NFATC3: variants seen among roughly 807,000 people sequenced by gnomAD.
NFATC3 encodes nuclear factor of activated T cells 3.
NFATC3 carries 46 observed loss-of-function variants against 98.6 expected under a neutral mutation model. The ratio of observed to expected loss-of-function variants is 0.47; its 90% CI spans 0.37 to 0.60. The LOEUF (loss-of-function observed/expected upper bound fraction) is 0.60. NFATC3 is among the 20% of genes least tolerant of loss of function. NFATC3 has a pLI of 0.00. For synonymous variants in NFATC3, 512 were observed against 472.2 expected, an observed-to-expected ratio of 1.08 and a Z score of -1.09; for missense variants, 1,256 against 1,295.5, an observed-to-expected ratio of 0.97 and a Z score of 0.47.
intron 5 of NFATC3, among the ~76,000 whole-genome samples, chr16:68,168,509 G>A (rs886887221): frequency 3.3e-5 from 5 of 149,366 alleles, no homozygotes; most frequent in Non-Finnish European, 5.9e-5. Context: ...TTTTTTAGAC[G>A]GAGCCTCCCT....
At chr16:68,188,016 G>A (rs577386145) in intron 8 of NFATC3, among the ~76,000 whole-genome samples, 10 of 152,238 alleles carry the variant, frequency 6.6e-5, no homozygotes, top group South Asian at 4.2e-4. Flanking sequence ...GCCCTACCTC[G>A]ACCTCCCTCC....
At chr16:68,106,480 C>T (rs750262227) in intron 1 of NFATC3, among the ~76,000 whole-genome samples, 13 of 151,458 alleles carry the variant, frequency 8.6e-5, no homozygotes, top group Non-Finnish European at 1.3e-4. Flanking sequence ...TTAGTAGAGA[C>T]GGGGTTTCTC....
intron 1 of NFATC3, among the ~76,000 whole-genome samples, chr16:68,110,972 G>A (rs532257838): frequency 2.6e-5 from 4 of 152,324 alleles, no homozygotes; most frequent in Middle Eastern, 3.4e-3. Context: ...GTTTGAGTGA[G>A]TTTCTTAATG....
intron 3 of NFATC3, among the ~76,000 whole-genome samples, chr16:68,145,563 G>C (rs761445847): frequency 1.3e-5 from 2 of 152,156 alleles, no homozygotes; most frequent in Non-Finnish European, 2.9e-5. Flanking sequence ...GTTGATACAT[G>C]CAACAACTTG....
intron 9 of NFATC3, among the ~76,000 whole-genome samples, chr16:68,210,929 G>A (rs978493767): frequency 1.3e-5 from 2 of 151,258 alleles, no homozygotes; most frequent in African/African-American, 4.9e-5. Context: ...CTACAAGTGC[G>A]CACCACCATG....
chr16:68,098,319 T>A (rs2035149124), intron 1 of NFATC3, among the ~76,000 whole-genome samples: 1 of 144,570 alleles, frequency 6.9e-6, no homozygotes, highest in South Asian at 2.2e-4. Flanking sequence ...TTTTTTTTTT[T>A]AGATGGAGTC....
chr16:68,208,300 G>T (rs1451895443), intron 9 of NFATC3, among the ~76,000 whole-genome samples: 1 of 152,112 alleles, frequency 6.6e-6, no homozygotes, highest in African/African-American at 2.4e-5. Context: ...GCCTCCCAAA[G>T]TGCAGGGTTA....
chr16:68,155,734 C>T (rs939718945), intron 3 of NFATC3, among the ~76,000 whole-genome samples: 1 of 152,070 alleles, frequency 6.6e-6, no homozygotes, highest in African/African-American at 2.4e-5. Flanking sequence ...AATAGCATGC[C>T]CCTTTCTGTA....
intron 3 of NFATC3, among the ~76,000 whole-genome samples, chr16:68,132,330 T>A (rs1473536516): frequency 6.6e-6 from 1 of 152,150 alleles, no homozygotes; most frequent in Non-Finnish European, 1.5e-5. Flanking sequence ...GAAGAGATTC[T>A]GGTATAGTAT....
chr16:68,151,359 T>C (rs1470869967), intron 3 of NFATC3, among the ~76,000 whole-genome samples: 1 of 152,176 alleles, frequency 6.6e-6, no homozygotes, highest in Non-Finnish European at 1.5e-5. Flanking sequence ...AAGGCAGGCG[T>C]GTTGATCATC....
At chr16:68,113,708 C>T (rs2036106199) in intron 1 of NFATC3, among the ~76,000 whole-genome samples, 1 of 152,244 alleles carries the variant, frequency 6.6e-6, no homozygotes. Context: ...AGACCATGAC[C>T]ACCCCTACCC....
In NFATC3 at chr16:68,191,215, T is replaced by G; in HGVS notation, c.2546T>G (p.Leu849Arg). Residue 849 changes from leucine to arginine, a missense_variant, in exon 9 of 10, where the codon CTG becomes CGG. Coordinates refer to ENST00000346183, the MANE Select transcript of NFATC3 (RefSeq NM_173165.3). ...TTAGTGAATCTTGGCTGTCAACCAC[T>G]GTCATCCATACCATTTCATTCTTCA... ...SGLVNLGCQP[L>R]SSIPFHSSNS... The G allele has an allele frequency of 6.2e-7, 1 of 1,614,232 alleles. No individual in the cohort carries two copies. Among genetic ancestry groups the G allele is most frequent in the Non-Finnish European group, 8.5e-7 (1 of 1,180,042 alleles).
Position 68,176,022 on chromosome 16 carries a change from C to T in NFATC3, c.1915+1508C>T, listed in dbSNP as rs547385032. On this transcript the variant is annotated intron_variant, in intron 6 of 9. Coordinates refer to ENST00000346183, the MANE Select transcript of NFATC3 (RefSeq NM_173165.3). ...GAGACGGAGCCTCGCTCTGTTACCCCGGCTGGAGTGCGGTGGCACTATCTC... is the reference window on the plus strand; with the variant it reads ...GAGACGGAGCCTCGCTCTGTTACCCTGGCTGGAGTGCGGTGGCACTATCTC... Among the ~76,000 whole-genome samples, 26 of 151,536 alleles carry T rather than the reference C, an allele frequency of 1.7e-4. 1 individual carries two copies. The highest frequency in any genetic ancestry group is 4.8e-4 in the African/African-American group (20 of 41,292).
chr16:68,095,347 ATTTTT>A (rs35343240), intron 1 of NFATC3, among the ~76,000 whole-genome samples: 1 of 103,828 alleles, frequency 9.6e-6, no homozygotes, highest in African/African-American at 4.1e-5. Flanking sequence ...TGCCCAGCTA[ATTTTT>A]TTTTTTTTTT....
At chr16:68,223,710 G>A (rs552060695) in intron 9 of NFATC3, among the ~76,000 whole-genome samples, 2 of 151,512 alleles carry the variant, frequency 1.3e-5, no homozygotes, top group South Asian at 4.2e-4. Flanking sequence ...GCCTGGCCAA[G>A]ATGGTGAAAC....
intron 1 of NFATC3, among the ~76,000 whole-genome samples, chr16:68,094,383 G>A (rs2034896370): frequency 1.3e-5 from 2 of 150,766 alleles, no homozygotes; most frequent in African/African-American, 2.4e-5. Flanking sequence ...AGTCAGGGTA[G>A]TTTCATTTTT....
At chr16:68,203,404 G>A (rs1177089794) in intron 9 of NFATC3, among the ~76,000 whole-genome samples, 11 of 152,104 alleles carry the variant, frequency 7.2e-5, no homozygotes, top group Non-Finnish European at 7.3e-5. Context: ...GGCCAGAGCC[G>A]GTGGATCGCT....
chr16:68,094,756 A>G (rs998851330), intron 1 of NFATC3, among the ~76,000 whole-genome samples: 1 of 152,206 alleles, frequency 6.6e-6, no homozygotes, highest in African/African-American at 2.4e-5. Context: ...ATTTGAAATA[A>G]ATAGTAAAAT....
intron 4 of NFATC3, among the ~76,000 whole-genome samples, chr16:68,164,488 C>T (rs989815344): frequency 1.3e-5 from 2 of 152,214 alleles, no homozygotes; most frequent in African/African-American, 4.8e-5. Flanking sequence ...AGCTACCCTA[C>T]AAGATGCTTT....
Sources: gnomAD v4.1 joint callset for allele counts (sites outside exome capture counted in the v4.1 genomes callset) on GRCh38, gnomAD v4.1.1 for gene constraint, MANE v1.5 for transcripts, NCBI Gene and HGNC (gene_info 2026-07-23, HGNC 2026-07-21) for gene names.